PTPRD: variants seen among roughly 807,000 people sequenced by gnomAD.
PTPRD encodes protein tyrosine phosphatase receptor type D.
PTPRD carries 34 observed loss-of-function variants against 214.5 expected under a neutral mutation model. The ratio of observed to expected loss-of-function variants is 0.16; its 90% CI spans 0.12 to 0.21. The LOEUF is 0.21. Ranked by LOEUF, PTPRD falls within the 10% of genes least tolerant of loss-of-function variation. The pLI is 1.00. For synonymous variants in PTPRD, 1,128 were observed against 845.7 expected, an observed-to-expected ratio of 1.33 and a Z score of -5.79; for missense variants, 2,545 against 2,398.7, an observed-to-expected ratio of 1.06 and a Z score of -1.27.
chr9:9,326,864 G>T lies in PTPRD; in HGVS notation c.-203+70585C>A, dbSNP rs557520208. 8.5e-5 allele frequency among the ~76,000 whole-genome samples: 13 copies of T among 152,148 alleles called. No individual in the cohort carries two copies. The South Asian group carries it at 2.1e-3, about 24-fold the overall frequency. Reference sequence around the variant, plus strand: ...AGCTATCTGAGCCTTCTGGTGTAGAGGAGTTAGTAGACATGAGCAGCCCAC... The same window carrying T: ...AGCTATCTGAGCCTTCTGGTGTAGATGAGTTAGTAGACATGAGCAGCCCAC... On this transcript the variant is annotated intron_variant, in intron 9 of 45. Coordinates refer to ENST00000381196, the MANE Select transcript of PTPRD (RefSeq NM_002839.4).
chr9:9,275,128 TTATATATAA>T (rs1367297047), intron 9 of PTPRD, among the ~76,000 whole-genome samples: 5 of 49,784 alleles, frequency 1.0e-4, no homozygotes, highest in African/African-American at 2.2e-4. Context: ...ATTATATATA[TTATATATAA>T]TATATATATA....
intron 2 of PTPRD, among the ~76,000 whole-genome samples, chr9:10,563,886 G>C (rs1023969161): frequency 1.3e-5 from 2 of 151,692 alleles, no homozygotes; most frequent in Non-Finnish European, 2.9e-5. Context: ...TATGTTTAAA[G>C]AGACATGTCC....
rs369581689 is a variant in PTPRD at position 10,121,798 on chromosome 9, AGT to A, written c.-544-88010_-544-88009del. ...TTTGTAGGTACCATCCTGTTTCCAG[AGT>A]GAATTCCAAGATTTTTTTCCCTCCA... On this transcript the variant is annotated intron_variant, in intron 3 of 45. Transcript: ENST00000381196. Among the ~76,000 whole-genome samples, 580 of 152,218 alleles carry A rather than the reference AGT, an allele frequency of 3.8e-3. 3 individuals are homozygous for A. Among genetic ancestry groups the A allele is most frequent in the African/African-American group, 0.013 (554 of 41,538 alleles).
intron 11 of PTPRD, among the ~76,000 whole-genome samples, chr9:8,771,909 G>C (rs1356554228): frequency 1.3e-5 from 2 of 151,192 alleles, no homozygotes; most frequent in African/African-American, 2.4e-5. Context: ...AGAAAAGCTG[G>C]GTCATAAACC....
intron 10 of PTPRD, chr9:9,091,383 C>T: frequency 1.5e-6 from 1 of 669,592 alleles, no homozygotes; most frequent in Non-Finnish European, 2.7e-6. Flanking sequence ...CTCCAATCAC[C>T]TTATGACTCT....
At chr9:8,448,549 T>A (rs1249852486) in intron 34 of PTPRD, among the ~76,000 whole-genome samples, 1 of 152,172 alleles carries the variant, frequency 6.6e-6, no homozygotes, top group Admixed American at 6.5e-5. Context: ...GTTTGTTCAA[T>A]CATCATGTAC....
chr9:9,858,253 C>A (rs141178304), intron 5 of PTPRD, among the ~76,000 whole-genome samples: 1 of 152,212 alleles, frequency 6.6e-6, no homozygotes, highest in Non-Finnish European at 1.5e-5. Flanking sequence ...TAGTAGCAGA[C>A]AAATGTGGAC....
At chr9:10,340,373 T>A (rs181261804) in intron 3 of PTPRD, among the ~76,000 whole-genome samples, 10 of 152,024 alleles carry the variant, frequency 6.6e-5, no homozygotes, top group Non-Finnish European at 1.5e-4. Context: ...CGATTTAGTT[T>A]TCTCTTAGCA....
chr9:9,745,503 A>C (rs944166710), intron 6 of PTPRD, among the ~76,000 whole-genome samples: 11 of 152,016 alleles, frequency 7.2e-5, no homozygotes, highest in Non-Finnish European at 1.0e-4. Flanking sequence ...TCTCTTTATC[A>C]CCATCGTGGC....
chr9:9,260,389 C>T (rs1594743804), intron 9 of PTPRD, among the ~76,000 whole-genome samples: 1 of 151,814 alleles, frequency 6.6e-6, no homozygotes, highest in African/African-American at 2.4e-5. Flanking sequence ...ATTAAAATTA[C>T]CTATTTCTAC....
chr9:10,279,004 G>GAT (rs2094921955), intron 3 of PTPRD, among the ~76,000 whole-genome samples: 1 of 152,034 alleles, frequency 6.6e-6, no homozygotes. Context: ...TCGATCTCCT[G>GAT]GCCTCGTGAT....
intron 7 of PTPRD, among the ~76,000 whole-genome samples, chr9:9,688,230 T>A (rs1452085600): frequency 3.3e-5 from 5 of 151,826 alleles, no homozygotes; most frequent in Middle Eastern, 3.2e-3. Context: ...ACAATATATA[T>A]AAGCTGGCCT....
chr9:9,578,866 G>A (rs1334618668), intron 7 of PTPRD, among the ~76,000 whole-genome samples: 2 of 151,986 alleles, frequency 1.3e-5, no homozygotes, highest in African/African-American at 4.8e-5. Context: ...TCACATACCA[G>A]GATAGGATAA....
intron 4 of PTPRD, among the ~76,000 whole-genome samples, chr9:10,011,315 T>C (rs545975413): frequency 9.9e-5 from 15 of 152,084 alleles, no homozygotes; most frequent in Non-Finnish European, 1.9e-4. Context: ...TTTAGTTAAA[T>C]TGTTTCCAAT....
chr9:9,321,928 C>T (rs531916935), intron 9 of PTPRD, among the ~76,000 whole-genome samples: 4 of 152,234 alleles, frequency 2.6e-5, no homozygotes, highest in Admixed American at 6.5e-5. Context: ...GGTACTTTAT[C>T]GCTCTCATTA....
chr9:9,994,401 T>G (rs189371631), intron 4 of PTPRD, among the ~76,000 whole-genome samples: 1 of 152,282 alleles, frequency 6.6e-6, no homozygotes, highest in East Asian at 1.9e-4. Context: ...CTAGAATAAT[T>G]TATGTTTATC....
intron 44 of PTPRD, among the ~76,000 whole-genome samples, chr9:8,321,487 G>GTGTGTATA (rs1168847469): frequency 7.6e-4 from 34 of 44,538 alleles, no homozygotes; most frequent in Non-Finnish European, 1.2e-3. Flanking sequence ...GTGTGTGTGT[G>GTGTGTATA]TATATATATA....
chr9:10,232,284 G>A (rs1309809097), intron 3 of PTPRD, among the ~76,000 whole-genome samples: 1 of 151,804 alleles, frequency 6.6e-6, no homozygotes, highest in African/African-American at 2.4e-5. Context: ...ACTATGACAG[G>A]TTCTTAATGA....
chr9:9,947,764 A>G (rs2092976793), intron 4 of PTPRD, among the ~76,000 whole-genome samples: 1 of 145,314 alleles, frequency 6.9e-6, no homozygotes, highest in Admixed American at 7.4e-5. Flanking sequence ...ATCTTCCAAG[A>G]GACTTTTCCT....
Sources: allele counts gnomAD v4.1 joint callset (sites outside exome capture counted in the v4.1 genomes callset), GRCh38; gene constraint gnomAD v4.1.1; transcripts MANE v1.5; gene names NCBI Gene and HGNC (gene_info 2026-07-23, HGNC 2026-07-21).